The following FDFT1 variants were observed in gnomAD, a reference collection of about 807,000 sequenced individuals.
FDFT1 encodes the protein squalene synthase.
Under a neutral mutation model 46.8 loss-of-function variants are expected in FDFT1, and 68 were observed. That is an observed-to-expected ratio of 1.45 (90% confidence interval 1.19 to 1.78). The LOEUF (loss-of-function observed/expected upper bound fraction) is 1.78. Among genes scored for constraint, FDFT1 ranks in the 40% most tolerant of loss-of-function variants. FDFT1 has a pLI of 0.00. For missense variants in FDFT1, 928 were observed against 524.4 expected (o/e 1.77, Z -7.52); for synonymous variants, 351 against 185.1 (o/e 1.90, Z -7.28).
At position 11,802,895 on chromosome 8, in the gene FDFT1, C is replaced by T. The variant is rs1017850906; in HGVS notation, c.63C>T (p.Ile21=). Residue 21 remains isoleucine, a synonymous_variant, in exon 1 of 8, where the codon ATC becomes ATT. Transcript: ENST00000220584. Reference sequence around the variant, plus strand: ...TCTACAACCTGGTGCGCTTCCGGATCGGGGGCAAGCGGAAGGTGATGCCCA... The same window carrying T: ...TCTACAACCTGGTGCGCTTCCGGATTGGGGGCAAGCGGAAGGTGATGCCCA... ...EEFYNLVRFR[I]GGKRKVMPKM... 154 of 1,611,246 alleles carry T rather than the reference C, an allele frequency of 9.6e-5. No homozygotes were observed. Among genetic ancestry groups the T allele is most frequent in the African/African-American group, 2.4e-4 (18 of 74,802 alleles).
At chr8:11,800,291 A>AAAAAAAAAAAAAAAAAAAAAAAAAAAAAC (rs1805986254), upstream of FDFT1, among the ~76,000 whole-genome samples, 1 of 101,152 alleles carries the variant, frequency 9.9e-6, no homozygotes, top group Non-Finnish European at 2.3e-5. Context: ...AAAAAAAAAA[A>AAAAAAAAAAAAAAAAAAAAAAAAAAAAAC]AGGCGCTTGA....
At chr8:11,819,566 C>G (rs931312278) in intron 3 of FDFT1, among the ~76,000 whole-genome samples, 1 of 151,926 alleles carries the variant, frequency 6.6e-6, no homozygotes, top group Non-Finnish European at 1.5e-5. Flanking sequence ...TTTCTCTAAT[C>G]TTGTCTTCTT....
chr8:11,819,742 T>C (rs1234891747), intron 3 of FDFT1, among the ~76,000 whole-genome samples: 3 of 152,118 alleles, frequency 2.0e-5, no homozygotes, highest in African/African-American at 7.2e-5. Context: ...GTTAGCCATT[T>C]GTCCAACCTT....
At chr8:11,825,654 T>G (rs1031207831) in intron 4 of FDFT1, among the ~76,000 whole-genome samples, 2 of 148,710 alleles carry the variant, frequency 1.3e-5, no homozygotes, top group African/African-American at 5.0e-5. Context: ...GTAGTTTGAG[T>G]CTAACGTGGG....
At chr8:11,799,950 A>G (rs1054254863), upstream of FDFT1, among the ~76,000 whole-genome samples, 14 of 148,378 alleles carry the variant, frequency 9.4e-5, no homozygotes, top group African/African-American at 3.0e-4. Flanking sequence ...ATTTAAAAAA[A>G]AAAAAAAAAT....
intron 4 of FDFT1, among the ~76,000 whole-genome samples, chr8:11,822,604 A>C (rs1341811801): frequency 1.3e-5 from 2 of 152,148 alleles, no homozygotes; most frequent in African/African-American, 4.8e-5. Flanking sequence ...ATTTGAGCCC[A>C]GGAGTTAGAC....
At chr8:11,836,168 T>C (rs1315470034) in intron 7 of FDFT1, among the ~76,000 whole-genome samples, 1 of 128,254 alleles carries the variant, frequency 7.8e-6, no homozygotes, top group Non-Finnish European at 1.8e-5. Context: ...AAAAAAAAAA[T>C]CTACAATATA....
At chr8:11,818,622 T>C (rs1395712024) in intron 3 of FDFT1, among the ~76,000 whole-genome samples, 1 of 152,226 alleles carries the variant, frequency 6.6e-6, no homozygotes, top group African/African-American at 2.4e-5. Context: ...GTAGTGGCCT[T>C]CTTTGTCTCT....
upstream of FDFT1, among the ~76,000 whole-genome samples, chr8:11,799,615 C>T (rs1397172772): frequency 6.6e-6 from 1 of 152,170 alleles, no homozygotes; most frequent in Non-Finnish European, 1.5e-5. Flanking sequence ...ATCTCCTGTC[C>T]CGTTATTTGA....
chr8:11,834,951 C>G (rs1221136797), intron 7 of FDFT1, among the ~76,000 whole-genome samples: 1 of 152,176 alleles, frequency 6.6e-6, no homozygotes, highest in African/African-American at 2.4e-5. Flanking sequence ...TGGCAAAACC[C>G]TGTCTCTACT....
upstream of FDFT1, chr8:11,801,863 TG>T (rs1230180542): frequency 4.7e-6 from 2 of 425,706 alleles, no homozygotes; most frequent in Admixed American, 5.4e-5. Context: ...TCGGCTTTTT[TG>T]TATTTTTAGT....
intron 3 of FDFT1, chr8:11,810,086 T>G (rs1458099095): frequency 2.1e-6 from 1 of 480,822 alleles, no homozygotes; most frequent in African/African-American, 2.0e-5. Context: ...GTGCCTCAGT[T>G]TCTTCATCTG....
intron 3 of FDFT1, among the ~76,000 whole-genome samples, chr8:11,818,596 A>C (rs553266489): frequency 6.6e-6 from 1 of 152,222 alleles, no homozygotes; most frequent in South Asian, 2.1e-4. Context: ...TGTTGAATTG[A>C]TCCCTTTACC....
chr8:11,832,740 C>T (rs1811011617), intron 7 of FDFT1, among the ~76,000 whole-genome samples: 1 of 151,896 alleles, frequency 6.6e-6, no homozygotes, highest in Non-Finnish European at 1.5e-5. Context: ...CTACTGGCAT[C>T]TGGTGAGTAG....
chr8:11,800,278 A>T (rs2130639651), upstream of FDFT1, among the ~76,000 whole-genome samples: 1 of 149,316 alleles, frequency 6.7e-6, no homozygotes. Context: ...AAAAAAAAAA[A>T]AAAAAAAAAA....
chr8:11,809,401 A>T, intron 2 of FDFT1: 1 of 1,208,512 alleles, frequency 8.3e-7, no homozygotes, highest in Non-Finnish European at 1.0e-6. Context: ...CCATAGTTCT[A>T]CATTGGTTAA....
intron 1 of FDFT1, among the ~76,000 whole-genome samples, chr8:11,804,600 CTTTTTTTT>C (rs5889385): frequency 7.2e-4 from 70 of 97,356 alleles, no homozygotes; most frequent in African/African-American, 2.6e-3. Context: ...CTTAGTTTCT[CTTTTTTTT>C]TTTTTTTTTT....
At position 11,808,778 on chromosome 8, in the gene FDFT1, T is replaced by C; in HGVS notation, c.100-16T>C. 1 of 1,610,500 alleles carries C rather than the reference T, an allele frequency of 6.2e-7. No individual in the cohort carries two copies. Among genetic ancestry groups the C allele is most frequent in the Non-Finnish European group, 8.5e-7 (1 of 1,178,600 alleles). ...CCTCGACGTCTCCCACCGCCGTGTGTGTTGTCTGCCCGCAGGACTCGCTCA... is the reference window on the plus strand; with the variant it reads ...CCTCGACGTCTCCCACCGCCGTGTGCGTTGTCTGCCCGCAGGACTCGCTCA... On this transcript the variant is annotated splice_polypyrimidine_tract_variant and intron_variant, in intron 1 of 7. Coordinates refer to ENST00000220584, the MANE Select transcript of FDFT1 (RefSeq NM_004462.5).
At chr8:11,812,718 C>T (rs1301718113) in intron 3 of FDFT1, among the ~76,000 whole-genome samples, 1 of 152,164 alleles carries the variant, frequency 6.6e-6, no homozygotes, top group Non-Finnish European at 1.5e-5. Flanking sequence ...CCAGGCCTTG[C>T]AGAATTTAGG....
Sources: allele counts gnomAD v4.1 joint callset (sites outside exome capture counted in the v4.1 genomes callset), GRCh38; gene constraint gnomAD v4.1.1; transcripts MANE v1.5; gene names NCBI Gene and HGNC (gene_info 2026-07-23, HGNC 2026-07-21).